ADAM22: variants seen among roughly 807,000 people sequenced by gnomAD.
ADAM22 encodes the protein disintegrin and metalloproteinase domain-containing protein 22.
Under a neutral mutation model 144.6 loss-of-function variants are expected in ADAM22, and 65 were observed. The observed-to-expected ratio is 0.45, with a 90% CI of 0.37 to 0.55. The LOEUF (loss-of-function observed/expected upper bound fraction) is 0.55, where lower values mean the gene tolerates loss of function less well. ADAM22 is among the 20% of genes least tolerant of loss of function. The pLI, the probability that ADAM22 is intolerant of heterozygous loss-of-function variation, is 0.00. For missense variants in ADAM22, 974 were observed against 1,184.9 expected, an observed-to-expected ratio of 0.82 and a Z score of 2.61; for synonymous variants, 391 against 412.6, an observed-to-expected ratio of 0.95 and a Z score of 0.63.
At chr7:88,094,689 G>T (rs568402169) in intron 4 of ADAM22, among the ~76,000 whole-genome samples, 22 of 152,242 alleles carry the variant, frequency 1.4e-4, no homozygotes, top group African/African-American at 5.1e-4. Context: ...ATTCTGAGTG[G>T]GGTTAATAGG....
At chr7:87,961,390 A>G (rs1847963818) in intron 2 of ADAM22, among the ~76,000 whole-genome samples, 1 of 152,218 alleles carries the variant, frequency 6.6e-6, no homozygotes, top group African/African-American at 2.4e-5. Flanking sequence ...TTTTGGTTTC[A>G]TCCTGTGGTC....
intron 3 of ADAM22, among the ~76,000 whole-genome samples, chr7:87,982,068 T>TATATATATACACACACAC (rs1244517564): frequency 1.1e-5 from 1 of 93,720 alleles, no homozygotes; most frequent in South Asian, 4.7e-4. Flanking sequence ...TATATATATA[T>TATATATATACACACACAC]ACACACACAC....
intron 3 of ADAM22, among the ~76,000 whole-genome samples, chr7:88,002,156 C>T (rs985040144): frequency 7.9e-5 from 12 of 152,122 alleles, no homozygotes; most frequent in Non-Finnish European, 1.2e-4. Context: ...TGACTTGTGA[C>T]GGAAATCCAG....
intron 17 of ADAM22, among the ~76,000 whole-genome samples, chr7:88,145,811 A>T (rs1836230385): frequency 6.6e-6 from 1 of 152,128 alleles, no homozygotes; most frequent in South Asian, 2.1e-4. Flanking sequence ...TCCTTTCCAT[A>T]CTTTCTGTGG....
intron 3 of ADAM22, among the ~76,000 whole-genome samples, chr7:88,028,272 A>C (rs1036430149): frequency 6.6e-6 from 1 of 151,980 alleles, no homozygotes; most frequent in Non-Finnish European, 1.5e-5. Flanking sequence ...TTTAATTTCC[A>C]TGTGTTTGTA....
At chr7:87,951,314 G>T (rs1190445507) in intron 2 of ADAM22, among the ~76,000 whole-genome samples, 2 of 135,604 alleles carry the variant, frequency 1.5e-5, no homozygotes, top group Non-Finnish European at 3.1e-5. Context: ...ATTAATTTGT[G>T]TATAAGATGT....
At chr7:88,116,418 G>A (rs896357075) in intron 6 of ADAM22, among the ~76,000 whole-genome samples, 12 of 152,146 alleles carry the variant, frequency 7.9e-5, no homozygotes, top group African/African-American at 1.7e-4. Flanking sequence ...GCAGGGATCC[G>A]TGAAAGGAAT....
At chr7:88,003,626 C>T (rs574645904) in intron 3 of ADAM22, among the ~76,000 whole-genome samples, 7 of 152,232 alleles carry the variant, frequency 4.6e-5, no homozygotes, top group Admixed American at 4.6e-4. Flanking sequence ...AAAGAGAAGA[C>T]AGATTTCAAT....
In ADAM22 at chr7:88,011,313, G is replaced by A. The variant is rs188963021; in HGVS notation, c.323+32901G>A. 1.2e-3 allele frequency among the ~76,000 whole-genome samples: 183 copies of A among 152,220 alleles called. 4 individuals carry two copies. Among genetic ancestry groups the A allele is most frequent in the Admixed American group, 0.012 (180 of 15,290 alleles). Reference sequence around the variant, plus strand: ...TCCCAGCACTTTGGGAGGCCGAGGCGGGCGGATCACAAGGTCAGGAGATTG... The same window carrying A: ...TCCCAGCACTTTGGGAGGCCGAGGCAGGCGGATCACAAGGTCAGGAGATTG... On this transcript the variant is annotated intron_variant, in intron 3 of 31. Coordinates refer to ENST00000413139, the MANE Select transcript of ADAM22 (RefSeq NM_001324418.2).
At chr7:88,067,714 G>A (rs1235995343) in intron 3 of ADAM22, among the ~76,000 whole-genome samples, 1 of 152,084 alleles carries the variant, frequency 6.6e-6, no homozygotes, top group Admixed American at 6.6e-5. Flanking sequence ...CATGATAGTG[G>A]CAGGCTCAGC....
At position 88,112,091 on chromosome 7, in the gene ADAM22, G is replaced by A. The variant is rs114318816; in HGVS notation, c.474-2493G>A. On this transcript the variant is annotated intron_variant, in intron 5 of 31. Coordinates refer to ENST00000413139, the MANE Select transcript of ADAM22 (RefSeq NM_001324418.2). ...ATGGATATGGCTAGTTCTCAGCAAG[G>A]GTAGAGAGATACTCCCTGCCATATT... Among the ~76,000 whole-genome samples the A allele has an allele frequency of 2.7e-3, 408 of 152,238 alleles. 3 individuals carry two copies. Among genetic ancestry groups the A allele is most frequent in the African/African-American group, 9.5e-3 (393 of 41,524 alleles).
rs191516028 is a variant in ADAM22, at chr7:88,013,667, G to C, written c.323+35255G>C. Among the ~76,000 whole-genome samples, 142 of 152,230 alleles carry C rather than the reference G, an allele frequency of 9.3e-4. 1 individual carries two copies. The highest frequency in any genetic ancestry group is 1.3e-3 in the Non-Finnish European group (89 of 68,024). ...TGGTCTCAAACTCTTGGCCTCAAGTGATCCATGCCTTGCCTCCCAAAGTGT... is the reference window on the plus strand; with the variant it reads ...TGGTCTCAAACTCTTGGCCTCAAGTCATCCATGCCTTGCCTCCCAAAGTGT... On this transcript the variant is annotated intron_variant, in intron 3 of 31. Coordinates refer to ENST00000413139, the MANE Select transcript of ADAM22 (RefSeq NM_001324418.2).
chr7:88,059,962 A>G lies in ADAM22; in HGVS notation c.324-15664A>G, dbSNP rs543242406. Among the ~76,000 whole-genome samples the G allele has an allele frequency of 2.0e-5, 3 of 152,248 alleles. No homozygotes were observed. In the East Asian group the frequency reaches 5.8e-4, roughly 29 times the overall value. ...GGTTCAGTAAAAGCCAAACCTCTTA[A>G]TTATACAATATATATACATGCACAT... On this transcript the variant is annotated intron_variant, in intron 3 of 31. Transcript: ENST00000413139.
intron 3 of ADAM22, among the ~76,000 whole-genome samples, chr7:88,022,730 A>G (rs569621455): frequency 6.6e-5 from 10 of 152,284 alleles, no homozygotes; most frequent in African/African-American, 1.9e-4. Context: ...TTTACATAGG[A>G]TGATTTTAAA....
In ADAM22 at chr7:88,145,189, C is replaced by T. The variant is rs1376242694; in HGVS notation, c.1385C>T (p.Thr462Ile). The change falls in exon 16 of 32, where the codon ACC becomes ATC. Residue 462 changes from threonine (T) to isoleucine (I), a missense_variant. This residue lies in a region of ADAM22 where 734 missense variants were observed against 950.6 expected (regional missense o/e 0.77). Coordinates refer to ENST00000413139, the MANE Select transcript of ADAM22 (RefSeq NM_001324418.2). Reference protein sequence around the residue: ...IETGEECDCGTPAECVLEGAE... With the variant: ...IETGEECDCGIPAECVLEGAE... ...ACTGGAGAGGAGTGTGATTGTGGAA[C>T]CCCGGCCGTAAGTCTCTGGTTGTTT... is the stretch of plus-strand genomic sequence containing the variant. 5 of 1,613,658 alleles carry T rather than the reference C, an allele frequency of 3.1e-6. No homozygotes were observed. Among genetic ancestry groups the T allele is most frequent in the Non-Finnish European group, 3.4e-6 (4 of 1,179,828 alleles).
intron 3 of ADAM22, among the ~76,000 whole-genome samples, chr7:88,072,218 A>G (rs760676217): frequency 3.9e-5 from 6 of 152,024 alleles, no homozygotes; most frequent in Admixed American, 1.3e-4. Flanking sequence ...ATACTTGTAT[A>G]TAGAGGCTTG....
Position 88,071,166 on chromosome 7 carries a change from G to A in ADAM22, c.324-4460G>A, listed in dbSNP as rs145450556. ...TGTGTGAAGGGAGGTGATTTATCAG[G>A]ACAGATCATGGAAGATAAACTGGAT... On this transcript the variant is annotated intron_variant, in intron 3 of 31. Transcript: ENST00000413139. Among the ~76,000 whole-genome samples the A allele has an allele frequency of 2.3e-3, 357 of 152,204 alleles. 1 individual carries two copies. Among genetic ancestry groups the A allele is most frequent in the African/African-American group, 8.0e-3 (334 of 41,552 alleles).
chr7:87,944,687 A>G (rs1295413719), intron 2 of ADAM22, among the ~76,000 whole-genome samples: 6 of 152,128 alleles, frequency 3.9e-5, no homozygotes, highest in Non-Finnish European at 5.9e-5. Flanking sequence ...TCAAGAGAAG[A>G]TACTAGGCTG....
At chr7:88,129,334 G>A (rs761645048) in intron 9 of ADAM22, among the ~76,000 whole-genome samples, 2 of 151,962 alleles carry the variant, frequency 1.3e-5, no homozygotes, top group African/African-American at 2.4e-5. Context: ...AATGTTTAAT[G>A]ATGCATATTG....
Sources: gnomAD v4.1 joint callset for allele counts (sites outside exome capture counted in the v4.1 genomes callset) on GRCh38, gnomAD v4.1.1 for gene constraint, gnomAD v4.1.1 regional missense constraint, MANE v1.5 for transcripts, NCBI Gene and HGNC (gene_info 2026-07-23, HGNC 2026-07-21) for gene names.